Variants in SGIP1 observed in about 807,000 individuals in gnomAD.
SGIP1 encodes SH3GL interacting endocytic adaptor 1, also known as SH3-containing GRB2-like protein 3-interacting protein 1.
A neutral mutation model predicts 107.5 loss-of-function variants in SGIP1; 38 were observed. The observed-to-expected ratio is 0.35, with a 90% confidence interval of 0.27 to 0.46. SGIP1 has a LOEUF of 0.46. Ranked by LOEUF, SGIP1 falls within the 20% of genes least tolerant of loss-of-function variation. The pLI is 1.00. For missense variants in SGIP1, 929 were observed against 1,019.5 expected (o/e 0.91, Z 1.21); for synonymous variants, 365 against 366.1 (o/e 1.00, Z 0.03).
intron 1 of SGIP1, among the ~76,000 whole-genome samples, chr1:66,616,990 C>G (rs2149227182): frequency 1.3e-5 from 2 of 152,190 alleles, no homozygotes; most frequent in South Asian, 4.2e-4. Context: ...CCAAAAGGTT[C>G]AGTGCTCAGC....
chr1:66,546,303 A>G (rs6662771), intron 1 of SGIP1, among the ~76,000 whole-genome samples: 13,402 of 152,212 alleles, frequency 0.088, 753 homozygotes, highest in African/African-American at 0.15. Flanking sequence ...AGTATCTCAC[A>G]TATGTCTGCC....
chr1:66,735,539 G>GTATTGGTCTTTCTGT (rs371515600), intron 21 of SGIP1, among the ~76,000 whole-genome samples: 27 of 75,656 alleles, frequency 3.6e-4, no homozygotes, highest in African/African-American at 4.5e-4. Context: ...AGATCGTGTG[G>GTATTGGTCTTTCTGT]GCCGGGCGCG....
At chr1:66,604,126 G>C (rs2066374003) in intron 1 of SGIP1, among the ~76,000 whole-genome samples, 2 of 152,182 alleles carry the variant, frequency 1.3e-5, no homozygotes, top group Admixed American at 1.3e-4. Flanking sequence ...TCTGTCTCTG[G>C]AAAAATATCT....
At chr1:66,707,380 G>A (rs559137302) in intron 18 of SGIP1, among the ~76,000 whole-genome samples, 2 of 152,124 alleles carry the variant, frequency 1.3e-5, no homozygotes, top group African/African-American at 4.8e-5. Flanking sequence ...TATCATAGTG[G>A]CATGATGATT....
intron 21 of SGIP1, among the ~76,000 whole-genome samples, chr1:66,738,320 A>G (rs1451038124): frequency 6.6e-6 from 1 of 152,146 alleles, no homozygotes; most frequent in Non-Finnish European, 1.5e-5. Context: ...TTTCCTAGAC[A>G]GTTGTTTATA....
intron 19 of SGIP1, among the ~76,000 whole-genome samples, chr1:66,722,010 TC>T (rs2093561371): frequency 1.3e-5 from 2 of 151,994 alleles, no homozygotes; most frequent in African/African-American, 4.8e-5. Flanking sequence ...CCTTCGAGAC[TC>T]CCCCAGCCTC....
In SGIP1 at chr1:66,712,400, G is replaced by A. The variant is rs2092975885; in HGVS notation, c.1631-6894G>A. Among the ~76,000 whole-genome samples, 4 of 152,166 alleles carry A rather than the reference G, an allele frequency of 2.6e-5. No individual in the cohort carries two copies. The South Asian group carries it at 8.3e-4, about 31-fold the overall frequency. On this transcript the variant is annotated intron_variant, in intron 18 of 24. Transcript: ENST00000371037. Reference sequence around the variant, plus strand: ...TACGGAAAATGGAGAAAGTGCACAGGAAGGGGAGACTGGCCTGCCCGAACG... The same window carrying A: ...TACGGAAAATGGAGAAAGTGCACAGAAAGGGGAGACTGGCCTGCCCGAACG...
intron 18 of SGIP1, among the ~76,000 whole-genome samples, chr1:66,697,074 CA>C (rs1557666053): frequency 2.0e-5 from 3 of 151,636 alleles, no homozygotes; most frequent in South Asian, 4.3e-4. Flanking sequence ...GGCTCAACAA[CA>C]AAAAAACAAC....
At chr1:66,639,747 C>T in intron 4 of SGIP1, 30 bp from the exon 5 acceptor site, 2 of 1,554,754 alleles carry the variant, frequency 1.3e-6, no homozygotes, top group South Asian at 1.1e-5. Flanking sequence ...AAATGTTTTC[C>T]TTCTAAATTC....
intron 1 of SGIP1, among the ~76,000 whole-genome samples, chr1:66,590,084 C>T (rs543427267): frequency 1.3e-5 from 2 of 152,244 alleles, no homozygotes; most frequent in East Asian, 3.9e-4. Flanking sequence ...CCTACAACCA[C>T]CACGTCCAAT....
intron 12 of SGIP1, among the ~76,000 whole-genome samples, chr1:66,675,544 T>TTTC (rs1553147053): frequency 4.6e-5 from 6 of 130,524 alleles, no homozygotes; most frequent in African/African-American, 1.2e-4. Context: ...TTTCTTTCTT[T>TTTC]TTTTTTTTTT....
chr1:66,682,229 A>T lies in SGIP1; in HGVS notation c.1175A>T (p.Asp392Val). The part of the protein sequence containing the change: ...KVAEQTFIKD[D>V]YLETISSPKD... ...GCTGAGCAGACCTTCATTAAAGATGATTACTTAGAAACAATCTCATCTCCT... is the reference window on the plus strand; with the variant it reads ...GCTGAGCAGACCTTCATTAAAGATGTTTACTTAGAAACAATCTCATCTCCT... Residue 392 changes from aspartate to valine, a missense_variant, in exon 15 of 25, where the codon GAT becomes GTT. Physicochemically the swap from Asp to Val is radical, Grantham distance 152 (BLOSUM62 -3). Around this residue, in one of 2 missense-constraint regions of SGIP1, gnomAD observed 588 missense variants for 588.6 expected, o/e 1.00. Coordinates refer to ENST00000371037, the MANE Select transcript of SGIP1 (RefSeq NM_032291.4). 1 of 1,614,174 alleles carries T rather than the reference A, an allele frequency of 6.2e-7. No homozygotes were observed. Among genetic ancestry groups the T allele is most frequent in the Non-Finnish European group, 8.5e-7 (1 of 1,180,026 alleles).
At chr1:66,703,516 T>C (rs1339496839) in intron 18 of SGIP1, among the ~76,000 whole-genome samples, 4 of 150,706 alleles carry the variant, frequency 2.7e-5, no homozygotes, top group Non-Finnish European at 5.9e-5. Context: ...CACATATACA[T>C]ACATATGCAC....
chr1:66,559,696 A>T (rs1484820446), intron 1 of SGIP1, among the ~76,000 whole-genome samples: 1 of 152,032 alleles, frequency 6.6e-6, no homozygotes, highest in Non-Finnish European at 1.5e-5. Context: ...GTCCAGAGGC[A>T]GAAAGGAGCT....
At chr1:66,617,606 C>A (rs1225973896) in intron 1 of SGIP1, among the ~76,000 whole-genome samples, 2 of 152,140 alleles carry the variant, frequency 1.3e-5, no homozygotes, top group Non-Finnish European at 2.9e-5. Context: ...TGGGTTCCTG[C>A]AGAAAATAAG....
At chr1:66,543,171 G>A (rs961392515) in intron 1 of SGIP1, among the ~76,000 whole-genome samples, 1 of 152,160 alleles carries the variant, frequency 6.6e-6, no homozygotes, top group African/African-American at 2.4e-5. Flanking sequence ...ATTTTCTGAG[G>A]AAGAGCGTCA....
At chr1:66,637,440 CGTGTGTGTGTGTGTTTGT>C (rs1346476391) in intron 4 of SGIP1, among the ~76,000 whole-genome samples, 114 of 112,474 alleles carry the variant, frequency 1.0e-3, no homozygotes, top group African/African-American at 4.1e-3. Flanking sequence ...CTAATAAAGC[CGTGTGTGTGTGTGTTTGT>C]GTGTGTGTGT....
intron 1 of SGIP1, among the ~76,000 whole-genome samples, chr1:66,604,482 A>T (rs1486385509): frequency 6.6e-6 from 1 of 152,198 alleles, no homozygotes; most frequent in Non-Finnish European, 1.5e-5. Flanking sequence ...TAAATTTTTT[A>T]AAAGTCGTTT....
chr1:66,703,457 T>C (rs2092175270), intron 18 of SGIP1, among the ~76,000 whole-genome samples: 1 of 151,956 alleles, frequency 6.6e-6, no homozygotes, highest in Non-Finnish European at 1.5e-5. Context: ...GGTATTATCC[T>C]AGTATTAGAA....
Sources: allele counts gnomAD v4.1 joint callset (sites outside exome capture counted in the v4.1 genomes callset), GRCh38; gene constraint gnomAD v4.1.1; regional missense constraint gnomAD v4.1.1; transcripts MANE v1.5; gene names NCBI Gene and HGNC (gene_info 2026-07-23, HGNC 2026-07-21).